Variants in CLEC18A observed in about 807,000 individuals in gnomAD.
The protein encoded by CLEC18A is mannose receptor-like 1.
A neutral mutation model predicts 24.0 loss-of-function variants in CLEC18A; 5 were observed. That is an observed-to-expected ratio of 0.21 (90% CI 0.11 to 0.44). The LOEUF is 0.44. Ranked by LOEUF, CLEC18A falls within the 20% of genes least tolerant of loss-of-function variation. The pLI is 0.99. For missense variants in CLEC18A, 83 were observed against 233.4 expected (o/e 0.36, Z 4.20); for synonymous variants, 29 against 100.1 (o/e 0.29, Z 4.24).
downstream of CLEC18A, among the ~76,000 whole-genome samples, chr16:69,965,247 GC>G (rs1288047386): frequency 6.6e-6 from 1 of 151,916 alleles, no homozygotes; most frequent in East Asian, 1.9e-4. Flanking sequence ...AAGGCGCTGA[GC>G]CCCCTGATCC....
chr16:69,945,231 T>G, the CLEC18A span, among the ~76,000 whole-genome samples: 1 of 148,900 alleles, frequency 6.7e-6, no homozygotes, highest in Non-Finnish European at 1.5e-5. Flanking sequence ...TCGAGGCTAC[T>G]CAGCAATTAT....
At chr16:69,953,544 G>A (rs1239755138) in intron 2 of CLEC18A, 4 of 147,600 alleles carry the variant, frequency 2.7e-5, no homozygotes, top group Non-Finnish European at 4.5e-5. Flanking sequence ...GGCTGGGCAC[G>A]GTGGCTCACA....
At chr16:69,947,908 T>G (rs2058913832), upstream of CLEC18A, among the ~76,000 whole-genome samples, 1 of 17,144 alleles carries the variant, frequency 5.8e-5, no homozygotes, top group Non-Finnish European at 8.9e-5. Flanking sequence ...AGAGACGGGA[T>G]TTTGCCATGT....
chr16:69,965,293 G>T (rs1343965215), downstream of CLEC18A, among the ~76,000 whole-genome samples: 1 of 152,080 alleles, frequency 6.6e-6, no homozygotes, highest in East Asian at 1.9e-4. Context: ...GCCTGCGAGC[G>T]CCAGGCCTTC....
At chr16:69,951,180 CTCTT>C, upstream of CLEC18A, 1 of 1,419,246 alleles carries the variant, frequency 7.0e-7, no homozygotes. Context: ...CCGGAGTTGT[CTCTT>C]TTCATGCCAG....
At chr16:69,947,390 G>GT (rs527840125), upstream of CLEC18A, among the ~76,000 whole-genome samples, 397 of 136,026 alleles carry the variant, frequency 2.9e-3, 5 homozygotes, top group Middle Eastern at 7.5e-3. Context: ...TGACACGGAG[G>GT]TAATGGAGGT....
intron 2 of CLEC18A, chr16:69,953,919 G>A (rs1479188848): frequency 6.5e-5 from 21 of 323,884 alleles, no homozygotes; most frequent in East Asian, 4.2e-4. Flanking sequence ...GCAGAGAGGC[G>A]TGGCTGTAGG....
chr16:69,965,333 C>T (rs1437959518), downstream of CLEC18A, among the ~76,000 whole-genome samples: 2 of 152,022 alleles, frequency 1.3e-5, no homozygotes, highest in East Asian at 3.9e-4. Context: ...AGGGCCCGCT[C>T]TCCGGCTCGG....
intron 2 of CLEC18A, among the ~76,000 whole-genome samples, chr16:69,954,026 G>A (rs1351435230): frequency 5.7e-5 from 8 of 139,662 alleles, no homozygotes; most frequent in East Asian, 4.3e-4. Context: ...TCTGCAACGC[G>A]TGGGCACTGC....
downstream of CLEC18A, among the ~76,000 whole-genome samples, chr16:69,966,502 G>T (rs1440374360): frequency 7.0e-6 from 1 of 142,416 alleles, no homozygotes; most frequent in Non-Finnish European, 1.5e-5. Flanking sequence ...TCCCACCAGC[G>T]CCAAGACAGC....
At chr16:69,946,781 G>T (rs1268873230), upstream of CLEC18A, among the ~76,000 whole-genome samples, 7 of 112,276 alleles carry the variant, frequency 6.2e-5, no homozygotes, top group Non-Finnish European at 8.7e-5. Flanking sequence ...ATTTTGGTAT[G>T]TTAATTTTGT....
At chr16:69,946,809 C>T (rs1172127468), upstream of CLEC18A, among the ~76,000 whole-genome samples, 2 of 66,836 alleles carry the variant, frequency 3.0e-5, no homozygotes, top group African/African-American at 9.7e-5. Context: ...GACCTTTATT[C>T]TAGTAGGGTT....
chr16:69,950,258 G>A (rs1446160177), upstream of CLEC18A, among the ~76,000 whole-genome samples: 4 of 126,612 alleles, frequency 3.2e-5, no homozygotes, highest in African/African-American at 1.0e-4. Flanking sequence ...ACCCCGCTCC[G>A]AGAGGGTGTG....
chr16:69,945,308 G>A, the CLEC18A span, among the ~76,000 whole-genome samples: 2 of 151,458 alleles, frequency 1.3e-5, no homozygotes, highest in African/African-American at 4.9e-5. Flanking sequence ...GGCCATAAAT[G>A]TAAGTTTTTT....
intron 2 of CLEC18A, chr16:69,953,587 A>AAGC (rs1470436778): frequency 7.2e-6 from 1 of 139,556 alleles, no homozygotes; most frequent in Non-Finnish European, 1.6e-5. Context: ...AGGCTGACAC[A>AAGC]AGCAGATCAC....
chr16:69,955,482 C>T (rs1478786316), intron 3 of CLEC18A, among the ~76,000 whole-genome samples: 1 of 151,664 alleles, frequency 6.6e-6, no homozygotes, highest in Non-Finnish European at 1.5e-5. Flanking sequence ...TCCCAAGTAG[C>T]TGGGACTACA....
upstream of CLEC18A, among the ~76,000 whole-genome samples, chr16:69,946,491 G>C (rs534378052): frequency 7.2e-4 from 100 of 138,360 alleles, no homozygotes; most frequent in African/African-American, 2.6e-3. Flanking sequence ...TCCGCCTCCC[G>C]GGTTCAAGCA....
downstream of CLEC18A, among the ~76,000 whole-genome samples, chr16:69,965,404 T>C (rs1347727839): frequency 2.6e-5 from 4 of 151,938 alleles, no homozygotes; most frequent in Non-Finnish European, 5.9e-5. Flanking sequence ...ACCCGCCCCT[T>C]GTCCGGGGCC....
chr16:69,955,322 C>T (rs1218216256), intron 3 of CLEC18A, among the ~76,000 whole-genome samples: 1 of 151,114 alleles, frequency 6.6e-6, no homozygotes, highest in Non-Finnish European at 1.5e-5. Flanking sequence ...TTTTTTCAAT[C>T]TGAAATATAA....
Sources: gnomAD v4.1 joint callset for allele counts (sites outside exome capture counted in the v4.1 genomes callset) on GRCh38, gnomAD v4.1.1 for gene constraint, MANE v1.5 for transcripts, NCBI Gene and HGNC (gene_info 2026-07-23, HGNC 2026-07-21) for gene names.